LRRC18: variants seen among roughly 807,000 people sequenced by gnomAD.
The protein encoded by LRRC18 is leucine rich repeat containing 18.
In LRRC18, 12 loss-of-function variants were observed where a neutral mutation model predicts 11.2. The ratio of observed to expected loss-of-function variants is 1.07; its 90% CI spans 0.69 to 1.74. The LOEUF (loss-of-function observed/expected upper bound fraction) is 1.74, where lower values mean the gene tolerates loss of function less well. Ranked by LOEUF, LRRC18 falls within the 40% of genes most tolerant of loss-of-function variation. The pLI, the probability that LRRC18 is intolerant of heterozygous loss-of-function variation, is 0.00. For synonymous variants in LRRC18, 155 were observed against 130.6 expected (o/e 1.19, Z -1.27); for missense variants, 374 against 330.5 (o/e 1.13, Z -1.02).
intron 1 of LRRC18, among the ~76,000 whole-genome samples, chr10:48,912,747 A>G (rs1469407895): frequency 6.6e-6 from 1 of 152,266 alleles, no homozygotes; most frequent in Non-Finnish European, 1.5e-5. Context: ...AACTTCATTC[A>G]TTCACAGCCA....
At chr10:48,926,154 C>T in the LRRC18 span, among the ~76,000 whole-genome samples, 1 of 152,246 alleles carries the variant, frequency 6.6e-6, no homozygotes, top group Non-Finnish European at 1.5e-5. Flanking sequence ...CCCCCACTGC[C>T]TCCCGGGAGA....
At chr10:48,913,934 G>T in exon 1 of LRRC18, 3 of 1,614,110 alleles carry the variant, frequency 1.9e-6, no homozygotes, top group Non-Finnish European at 1.7e-6. Flanking sequence ...GCCACCGGAG[G>T]TTCTGGAACT....
chr10:48,917,269 T>C (rs1029694332), upstream of LRRC18, among the ~76,000 whole-genome samples: 7 of 152,356 alleles, frequency 4.6e-5, no homozygotes, highest in African/African-American at 1.7e-4. Flanking sequence ...CTATCTCTGC[T>C]GATACCTATA....
At chr10:48,918,011 A>G (rs527354410), upstream of LRRC18, among the ~76,000 whole-genome samples, 4 of 152,358 alleles carry the variant, frequency 2.6e-5, no homozygotes, top group African/African-American at 9.6e-5. Flanking sequence ...TGAAGTGGTG[A>G]AAGGTTAATT....
exon 1 of LRRC18, chr10:48,913,544 C>G (rs754530174): frequency 2.5e-6 from 4 of 1,614,118 alleles, no homozygotes; most frequent in Middle Eastern, 3.3e-4. Context: ...CACACAGATC[C>G]TTCTCCTCCA....
At chr10:48,914,916 A>T (rs1838372271), upstream of LRRC18, among the ~76,000 whole-genome samples, 1 of 152,172 alleles carries the variant, frequency 6.6e-6, no homozygotes, top group Non-Finnish European at 1.5e-5. Flanking sequence ...TGCCTTTTCC[A>T]TCTCCTGCCC....
At chr10:48,922,690 A>T in the LRRC18 span, among the ~76,000 whole-genome samples, 1 of 152,188 alleles carries the variant, frequency 6.6e-6, no homozygotes. Flanking sequence ...GTAAGCGAGG[A>T]CTGTGGTAAT....
the LRRC18 span, among the ~76,000 whole-genome samples, chr10:48,919,739 C>T: frequency 1.3e-5 from 2 of 152,298 alleles, no homozygotes; most frequent in East Asian, 1.9e-4. Context: ...ATCTAATTTC[C>T]TCATGATCTA....
the LRRC18 span, among the ~76,000 whole-genome samples, chr10:48,927,753 T>C: frequency 3.6e-4 from 55 of 152,196 alleles, no homozygotes; most frequent in African/African-American, 1.3e-3. Context: ...GGAGCAAAAG[T>C]TCCCAAGAGG....
At chr10:48,920,958 T>G in the LRRC18 span, among the ~76,000 whole-genome samples, 29 of 152,290 alleles carry the variant, frequency 1.9e-4, no homozygotes, top group African/African-American at 6.7e-4. Context: ...ATATGCAGGA[T>G]TTTTATAATG....
the LRRC18 span, among the ~76,000 whole-genome samples, chr10:48,932,226 G>A: frequency 1.3e-5 from 2 of 152,164 alleles, no homozygotes; most frequent in African/African-American, 4.8e-5. Context: ...CACCAGTGGC[G>A]GGTGCTGGTG....
chr10:48,931,258 T>C, the LRRC18 span, among the ~76,000 whole-genome samples: 1 of 152,194 alleles, frequency 6.6e-6, no homozygotes, highest in Non-Finnish European at 1.5e-5. Flanking sequence ...GACACAGGAA[T>C]TGGGCAGCAG....
chr10:48,929,132 G>A, the LRRC18 span, among the ~76,000 whole-genome samples: 143,054 of 152,106 alleles, frequency 0.94, 67,646 homozygotes, highest in East Asian at 1. Context: ...GAGATCAGAG[G>A]AAGTGAGGAT....
chr10:48,931,471 A>T, the LRRC18 span, among the ~76,000 whole-genome samples: 1 of 152,204 alleles, frequency 6.6e-6, no homozygotes, highest in Admixed American at 6.5e-5. Context: ...GCCGTGCTAT[A>T]AACAACACGT....
the LRRC18 span, chr10:48,935,271 C>G: frequency 2.0e-5 from 3 of 152,246 alleles, no homozygotes; most frequent in Non-Finnish European, 4.4e-5. Flanking sequence ...AGTCTTGACA[C>G]CAGCCTGCAA....
At chr10:48,915,422 T>TA (rs1237383334), upstream of LRRC18, among the ~76,000 whole-genome samples, 1 of 151,370 alleles carries the variant, frequency 6.6e-6, no homozygotes, top group Non-Finnish European at 1.5e-5. Context: ...TGCTGATTTT[T>TA]TTTTTTGGAC....
chr10:48,936,709 G>A, the LRRC18 span, among the ~76,000 whole-genome samples: 2 of 151,608 alleles, frequency 1.3e-5, no homozygotes, highest in African/African-American at 4.8e-5. Flanking sequence ...ATTGTGGCAA[G>A]CACCTGTAGT....
At chr10:48,933,344 A>G in the LRRC18 span, among the ~76,000 whole-genome samples, 6 of 152,322 alleles carry the variant, frequency 3.9e-5, no homozygotes, top group African/African-American at 1.4e-4. Flanking sequence ...TGAAACACCC[A>G]GGGCCTAGTC....
At chr10:48,923,762 C>A in the LRRC18 span, among the ~76,000 whole-genome samples, 2 of 152,068 alleles carry the variant, frequency 1.3e-5, no homozygotes, top group African/African-American at 4.8e-5. Context: ...CTGATTCTGG[C>A]CACCAGATTC....
Sources: allele counts gnomAD v4.1 joint callset (sites outside exome capture counted in the v4.1 genomes callset), GRCh38; gene constraint gnomAD v4.1.1; transcripts MANE v1.5; gene names NCBI Gene and HGNC (gene_info 2026-07-23, HGNC 2026-07-21).